Variants in CSMD1 observed in about 807,000 individuals in gnomAD.
The protein encoded by CSMD1 is CUB and sushi domain-containing protein 1.
CSMD1 carries 213 observed loss-of-function variants against 417.5 expected under a neutral mutation model. The observed-to-expected ratio is 0.51, with a 90% CI of 0.46 to 0.57. The LOEUF (loss-of-function observed/expected upper bound fraction) is 0.57, where lower values mean the gene tolerates loss of function less well. Among genes scored for constraint, CSMD1 ranks in the 20% least tolerant of loss-of-function variants. The pLI is 0.00. For missense variants in CSMD1, 6,923 were observed against 4,529.7 expected (o/e 1.53, Z -15.17); for synonymous variants, 2,862 against 1,736.8 (o/e 1.65, Z -16.11).
chr8:4,214,965 A>G (rs943212287), intron 3 of CSMD1, among the ~76,000 whole-genome samples: 2 of 152,172 alleles, frequency 1.3e-5, no homozygotes, highest in African/African-American at 4.8e-5. Context: ...TTCACGTGAG[A>G]TACAGGCACA....
chr8:4,425,112 A>G (rs1797471749), intron 2 of CSMD1, among the ~76,000 whole-genome samples: 1 of 152,090 alleles, frequency 6.6e-6, no homozygotes, highest in Non-Finnish European at 1.5e-5. Context: ...TAGGTACAAA[A>G]TAATGTGATA....
intron 3 of CSMD1, among the ~76,000 whole-genome samples, chr8:4,083,859 A>C (rs1433407505): frequency 2.0e-5 from 3 of 152,318 alleles, no homozygotes; most frequent in Non-Finnish European, 4.4e-5. Flanking sequence ...ATTAAACTAA[A>C]GAGCTTCTGC....
chr8:3,058,927 G>T (rs144182103), intron 49 of CSMD1, among the ~76,000 whole-genome samples: 41 of 152,190 alleles, frequency 2.7e-4, no homozygotes, highest in African/African-American at 8.9e-4. Flanking sequence ...ACCCCTTGCT[G>T]CTTCTCTGAA....
intron 5 of CSMD1, among the ~76,000 whole-genome samples, chr8:3,788,271 T>G (rs905050428): frequency 6.6e-6 from 1 of 152,210 alleles, no homozygotes; most frequent in Non-Finnish European, 1.5e-5. Flanking sequence ...ATCAGTTTTC[T>G]TTCTTAAGGA....
At chr8:4,371,172 T>A (rs1379711741) in intron 3 of CSMD1, among the ~76,000 whole-genome samples, 3 of 152,178 alleles carry the variant, frequency 2.0e-5, no homozygotes, top group Non-Finnish European at 4.4e-5. Flanking sequence ...ACTTTATTTC[T>A]GGATACTTTA....
intron 1 of CSMD1, among the ~76,000 whole-genome samples, chr8:4,818,537 G>T (rs1799336772): frequency 2.6e-5 from 4 of 152,108 alleles, no homozygotes; most frequent in Admixed American, 6.6e-5. Context: ...TATTATATAG[G>T]CATGAATCCA....
intron 3 of CSMD1, among the ~76,000 whole-genome samples, chr8:4,143,944 T>A (rs1803954159): frequency 6.6e-6 from 1 of 151,324 alleles, no homozygotes. Flanking sequence ...GATGAAGGGA[T>A]GGCCAGTGCT....
intron 2 of CSMD1, among the ~76,000 whole-genome samples, chr8:4,504,244 G>A (rs191545942): frequency 1.4e-4 from 21 of 152,244 alleles, no homozygotes; most frequent in East Asian, 3.9e-4. Context: ...GTCAAATACC[G>A]TAGGATTCCA....
chr8:4,529,606 T>C (rs989606264), intron 2 of CSMD1, among the ~76,000 whole-genome samples: 1 of 152,176 alleles, frequency 6.6e-6, no homozygotes, highest in African/African-American at 2.4e-5. Context: ...TGTTGCCAGA[T>C]TTAACAAAGA....
At chr8:4,348,507 T>A (rs940337718) in intron 3 of CSMD1, among the ~76,000 whole-genome samples, 3 of 151,702 alleles carry the variant, frequency 2.0e-5, no homozygotes, top group Non-Finnish European at 4.4e-5. Flanking sequence ...CTTAATAAGT[T>A]GTATCTGCAA....
chr8:3,043,448 T>C (rs1585214206), intron 50 of CSMD1, among the ~76,000 whole-genome samples: 1 of 152,116 alleles, frequency 6.6e-6, no homozygotes. Context: ...TATAAACCTA[T>C]CACTAGATAT....
intron 33 of CSMD1, among the ~76,000 whole-genome samples, chr8:3,198,633 T>G (rs1221965060): frequency 6.6e-6 from 1 of 152,214 alleles, no homozygotes; most frequent in Non-Finnish European, 1.5e-5. Flanking sequence ...CCATTACTCT[T>G]TAAATGATCT....
At chr8:3,919,381 G>A (rs2554630) in intron 5 of CSMD1, among the ~76,000 whole-genome samples, 145,372 of 152,146 alleles carry the variant, frequency 0.96, 69,536 homozygotes, top group East Asian at 1. Context: ...AATCTCATGT[G>A]TTGAAGAGAC....
intron 2 of CSMD1, among the ~76,000 whole-genome samples, chr8:4,553,275 C>CTAAG (rs1228482663): frequency 6.6e-6 from 1 of 152,168 alleles, no homozygotes; most frequent in East Asian, 1.9e-4. Context: ...CATTCCACTT[C>CTAAG]ACTCCAAAGA....
At chr8:4,176,589 G>A (rs1028307987) in intron 3 of CSMD1, among the ~76,000 whole-genome samples, 2 of 142,802 alleles carry the variant, frequency 1.4e-5, no homozygotes, top group African/African-American at 2.6e-5. Flanking sequence ...CTAGTAGAAG[G>A]GACATAGGAG....
chr8:4,107,713 C>T (rs1378384776), intron 3 of CSMD1, among the ~76,000 whole-genome samples: 3 of 152,124 alleles, frequency 2.0e-5, no homozygotes, highest in African/African-American at 7.2e-5. Flanking sequence ...CGCACACGCT[C>T]CATCAGATGC....
chr8:4,254,429 T>C (rs113474776), intron 3 of CSMD1, among the ~76,000 whole-genome samples: 3 of 152,146 alleles, frequency 2.0e-5, no homozygotes, highest in Admixed American at 6.5e-5. Flanking sequence ...CCTTAGATTA[T>C]AGTGGAGCTG....
chr8:4,526,017 C>G (rs1251715027), intron 2 of CSMD1, among the ~76,000 whole-genome samples: 1 of 152,130 alleles, frequency 6.6e-6, no homozygotes, highest in African/African-American at 2.4e-5. Flanking sequence ...TGTTTCAGCT[C>G]TAGAAGGAGT....
At chr8:3,475,149 G>C (rs754896163) in intron 11 of CSMD1, among the ~76,000 whole-genome samples, 1 of 151,914 alleles carries the variant, frequency 6.6e-6, no homozygotes, top group African/African-American at 2.4e-5. Context: ...AAGACTCTGA[G>C]GATTCTCGCT....
Sources: allele counts gnomAD v4.1 joint callset (sites outside exome capture counted in the v4.1 genomes callset), GRCh38; gene constraint gnomAD v4.1.1; transcripts MANE v1.5; gene names NCBI Gene and HGNC (gene_info 2026-07-23, HGNC 2026-07-21).